Variants in MYH13 observed in about 807,000 individuals in gnomAD.
The protein encoded by MYH13 is myosin heavy chain 13.
MYH13 carries 177 observed loss-of-function variants against 232.1 expected under a neutral mutation model. That is an observed-to-expected ratio of 0.76 (90% CI 0.67 to 0.86). The LOEUF (loss-of-function observed/expected upper bound fraction) is 0.86. Ranked by LOEUF, MYH13 falls within the 40% of genes least tolerant of loss-of-function variation. MYH13 has a pLI of 0.00. For missense variants in MYH13, 2,246 were observed against 2,405.9 expected, an observed-to-expected ratio of 0.93 and a Z score of 1.39; for synonymous variants, 884 against 923.5, an observed-to-expected ratio of 0.96 and a Z score of 0.78.
At chr17:10,350,026 C>A (rs1421696710) in intron 12 of MYH13, among the ~76,000 whole-genome samples, 1 of 152,048 alleles carries the variant, frequency 6.6e-6, no homozygotes, top group East Asian at 1.9e-4. Flanking sequence ...AGTTCCAGGC[C>A]TCTTAGGGAT....
intron 12 of MYH13, among the ~76,000 whole-genome samples, chr17:10,348,236 T>C (rs916509454): frequency 6.6e-6 from 1 of 152,248 alleles, no homozygotes; most frequent in African/African-American, 2.4e-5. Flanking sequence ...TCCTTCTCTC[T>C]CTTGCCCCTG....
Position 10,309,615 on chromosome 17 carries a change from T to C in MYH13, c.4872A>G (p.Gly1624=), listed in dbSNP as rs370770285. ...GCTGAATCTCCATCTCATTAAGGTC[T>C]CCCTCCATCTTCTTCTTTAGCCTCA... ...DALRLKKKME[G]DLNEMEIQLG... Residue 1624 remains glycine, a synonymous_variant, in exon 34 of 41, where the codon GGA becomes GGG. Transcript: ENST00000252172. 9 of 1,613,396 alleles carry C rather than the reference T, an allele frequency of 5.6e-6. No homozygotes were observed. The African/African-American group carries it at 1.1e-4, about 19-fold the overall frequency.
Position 10,309,619 on chromosome 17 carries a change from T to A in MYH13, c.4868A>T (p.Glu1623Val). ...AATCTCCATCTCATTAAGGTCTCCCTCCATCTTCTTCTTTAGCCTCAGGGC... is the reference window on the plus strand; with the variant it reads ...AATCTCCATCTCATTAAGGTCTCCCACCATCTTCTTCTTTAGCCTCAGGGC... ...NDALRLKKKM[E>V]GDLNEMEIQL... The change falls in exon 34 of 41, where the codon GAG becomes GTG. Residue 1623 changes from glutamate to valine, a missense_variant. Coordinates refer to ENST00000252172, the MANE Select transcript of MYH13 (RefSeq NM_003802.3). 6.2e-7 allele frequency: 1 copy of A among 1,613,302 alleles called. No individual in the cohort carries two copies. The highest frequency in any genetic ancestry group is 8.5e-7 in the Non-Finnish European group (1 of 1,179,668).
chr17:10,312,147 G>A, intron 31 of MYH13, 71 bp from the exon 32 acceptor site: 2 of 1,551,130 alleles, frequency 1.3e-6, no homozygotes, highest in South Asian at 2.4e-5. Context: ...TGCAAACAAG[G>A]GCTGTCAGTA....
intron 18 of MYH13, among the ~76,000 whole-genome samples, chr17:10,336,044 G>A (rs1007813825): frequency 5.9e-5 from 9 of 152,214 alleles, no homozygotes; most frequent in African/African-American, 1.7e-4. Flanking sequence ...TCTAATTCCC[G>A]CAGAGGCATC....
At chr17:10,353,895 A>G (rs2071728657) in intron 11 of MYH13, among the ~76,000 whole-genome samples, 1 of 147,788 alleles carries the variant, frequency 6.8e-6, no homozygotes. Context: ...AAAGAAAAGA[A>G]GAGAAGAAAG....
At chr17:10,319,263 G>A in intron 26 of MYH13, 84 bp from the exon 27 acceptor site, 1 of 1,466,188 alleles carries the variant, frequency 6.8e-7, no homozygotes, top group Non-Finnish European at 9.0e-7. Context: ...AGGAATTGCG[G>A]GTAGGCAGCA....
chr17:10,316,098 T>C, intron 27 of MYH13, 73 bp from the exon 28 acceptor site: 1 of 1,511,244 alleles, frequency 6.6e-7, no homozygotes. Context: ...CTGAACAGTG[T>C]AATCATTTAG....
At chr17:10,324,397 T>A in intron 22 of MYH13, 133 bp from the exon 23 acceptor site, 1 of 1,022,822 alleles carries the variant, frequency 9.8e-7, no homozygotes, top group East Asian at 2.4e-5. Flanking sequence ...TGCACGCACA[T>A]GTGCACACAC....
intron 16 of MYH13, among the ~76,000 whole-genome samples, chr17:10,342,756 A>G (rs2071627851): frequency 6.6e-6 from 1 of 152,150 alleles, no homozygotes. Flanking sequence ...ATCTACAGGG[A>G]CAGAAAGTTG....
rs369483001 is a variant in MYH13 at position 10,309,305 on chromosome 17, C to T, written c.5098G>A (p.Glu1700Lys). ...EEMKVALEQT[E>K]RTRRLSEQEL... ...TGCTCTGACAGCCTGCGGGTCCGCT[C>T]CGTCTGTTCCAGGGCCACCTTCATT... The change falls in exon 35 of 41, where the codon GAG becomes AAG. Residue 1700 changes from glutamate (E) to lysine (K), a missense_variant. Transcript: ENST00000252172. 6.8e-6 allele frequency: 11 copies of T among 1,613,844 alleles called. No homozygotes were observed. The highest frequency in any genetic ancestry group is 2.2e-5 in the East Asian group (1 of 44,890).
chr17:10,310,733 C>A (rs769371533), intron 33 of MYH13, among the ~76,000 whole-genome samples: 14 of 152,120 alleles, frequency 9.2e-5, no homozygotes, highest in Non-Finnish European at 1.9e-4. Flanking sequence ...TCGGGAGATG[C>A]TGGGTGTGTT....
chr17:10,301,075 A>G, intron 40 of MYH13, 110 bp from the exon 41 acceptor site: 1 of 998,588 alleles, frequency 1.0e-6, no homozygotes, highest in Non-Finnish European at 1.6e-6. Context: ...GAGGAATATT[A>G]AGGAATGGCG....
intron 18 of MYH13, among the ~76,000 whole-genome samples, chr17:10,339,289 C>T (rs1012060978): frequency 2.0e-5 from 3 of 152,158 alleles, no homozygotes; most frequent in Non-Finnish European, 2.9e-5. Flanking sequence ...CAAGAATATT[C>T]GCAAATCAGG....
intron 33 of MYH13, among the ~76,000 whole-genome samples, chr17:10,310,241 C>T (rs1442199376): frequency 1.3e-5 from 2 of 151,990 alleles, no homozygotes; most frequent in Non-Finnish European, 2.9e-5. Context: ...CAGGTGCCCA[C>T]CACTGTGCCT....
At chr17:10,314,384 C>T (rs368231657) in intron 29 of MYH13, among the ~76,000 whole-genome samples, 1 of 150,304 alleles carries the variant, frequency 6.7e-6, no homozygotes, top group East Asian at 2.0e-4. Flanking sequence ...CATTGCACTC[C>T]AGCCTGGGCA....
intron 23 of MYH13, among the ~76,000 whole-genome samples, chr17:10,322,687 G>A (rs1211937021): frequency 9.3e-5 from 13 of 139,616 alleles, no homozygotes; most frequent in African/African-American, 3.2e-4. Context: ...AGGCTGGAGT[G>A]CAGTGGCGCA....
intron 13 of MYH13, among the ~76,000 whole-genome samples, chr17:10,346,423 G>T (rs1297135075): frequency 6.6e-6 from 1 of 152,204 alleles, no homozygotes; most frequent in African/African-American, 2.4e-5. Flanking sequence ...AACAGCCCAT[G>T]AATCCCAGAG....
intron 2 of MYH13, among the ~76,000 whole-genome samples, chr17:10,364,980 T>C (rs1042884534): frequency 2.0e-5 from 3 of 151,990 alleles, no homozygotes; most frequent in Non-Finnish European, 4.4e-5. Context: ...TTCAAGCGAT[T>C]CTCCTCCCTC....
Sources: allele counts gnomAD v4.1 joint callset (sites outside exome capture counted in the v4.1 genomes callset), GRCh38; gene constraint gnomAD v4.1.1; transcripts MANE v1.5; gene names NCBI Gene and HGNC (gene_info 2026-07-23, HGNC 2026-07-21).